Variants in TMPRSS7 observed in about 807,000 individuals in gnomAD.
TMPRSS7 encodes transmembrane serine protease 7.
A neutral mutation model predicts 95.6 loss-of-function variants in TMPRSS7; 81 were observed. The observed-to-expected ratio is 0.85, with a 90% confidence interval of 0.71 to 1.02. The LOEUF (loss-of-function observed/expected upper bound fraction) is 1.02. TMPRSS7 is among the 50% of genes least tolerant of loss of function. The pLI is 0.00. For synonymous variants in TMPRSS7, 364 were observed against 337.8 expected, an observed-to-expected ratio of 1.08 and a Z score of -0.85; for missense variants, 945 against 955.2, an observed-to-expected ratio of 0.99 and a Z score of 0.14.
intron 17 of TMPRSS7, among the ~76,000 whole-genome samples, chr3:112,080,612 G>T (rs2073768011): frequency 6.6e-6 from 1 of 150,916 alleles, no homozygotes; most frequent in South Asian, 2.1e-4. Context: ...TATTACTGAG[G>T]TTTATTCTTT....
intron 13 of TMPRSS7, among the ~76,000 whole-genome samples, chr3:112,072,073 T>A (rs1351390024): frequency 6.6e-6 from 1 of 152,218 alleles, no homozygotes; most frequent in Non-Finnish European, 1.5e-5. Flanking sequence ...TTTCTCCCCA[T>A]CTTTGTGGTT....
In TMPRSS7 at chr3:112,042,677, TA is replaced by T. The variant is rs1046539695; in HGVS notation, c.429+633del. Among the ~76,000 whole-genome samples the T allele has an allele frequency of 2.6e-5, 4 of 152,268 alleles. No individual in the cohort carries two copies. In the South Asian group the frequency reaches 6.2e-4, roughly 24 times the overall value. On this transcript the variant is annotated intron_variant, in intron 3 of 17. Coordinates refer to ENST00000452346, the Ensembl canonical transcript of TMPRSS7. ...GCTTCTATGCACGTAAATCTTCCTT[TA>T]AAAAATATAAGTTACAATAGACTCA...
At chr3:112,068,576 C>G (rs1467691860) in intron 13 of TMPRSS7, among the ~76,000 whole-genome samples, 1 of 152,138 alleles carries the variant, frequency 6.6e-6, no homozygotes, top group Non-Finnish European at 1.5e-5. Context: ...ATTTTATTCT[C>G]TTTGTAGCAA....
At position 112,063,514 on chromosome 3, in the gene TMPRSS7, G is replaced by A; in HGVS notation, c.1448-11G>A. 2 of 1,603,910 alleles carry A rather than the reference G, an allele frequency of 1.2e-6. No homozygotes were observed. On this transcript the variant is annotated splice_polypyrimidine_tract_variant and intron_variant, in intron 11 of 17. Coordinates refer to ENST00000452346, the Ensembl canonical transcript of TMPRSS7. Reference sequence around the variant, plus strand: ...AAGATTTTCTATTTTTTGATTTTTTGTTGCCCATAGCCTGCCCTGTTGGAT... The same window carrying A: ...AAGATTTTCTATTTTTTGATTTTTTATTGCCCATAGCCTGCCCTGTTGGAT...
intron 11 of TMPRSS7, among the ~76,000 whole-genome samples, chr3:112,063,262 G>T (rs1474369988): frequency 6.6e-6 from 1 of 152,188 alleles, no homozygotes; most frequent in Non-Finnish European, 1.5e-5. Flanking sequence ...TATGGAGATA[G>T]TAGAAGTTTG....
At chr3:112,052,781 G>C (rs1220254141) in intron 9 of TMPRSS7, among the ~76,000 whole-genome samples, 1 of 152,162 alleles carries the variant, frequency 6.6e-6, no homozygotes, top group Non-Finnish European at 1.5e-5. Flanking sequence ...ATTCCTTTGA[G>C]ATAAAATAAA....
intron 14 of TMPRSS7, among the ~76,000 whole-genome samples, chr3:112,075,055 T>C (rs2073694913): frequency 6.6e-6 from 1 of 152,218 alleles, no homozygotes; most frequent in Non-Finnish European, 1.5e-5. Context: ...AGGCAGCTGT[T>C]TGTGTCAGTT....
exon 17 of TMPRSS7, chr3:112,078,858 G>A (rs2073745604): frequency 2.5e-6 from 4 of 1,613,818 alleles, no homozygotes; most frequent in African/African-American, 1.3e-5. Context: ...CATAATGTCA[G>A]GCAAGAGAGA....
chr3:112,051,622 TATC>T (rs1408325156), intron 9 of TMPRSS7, among the ~76,000 whole-genome samples: 8 of 128,720 alleles, frequency 6.2e-5, no homozygotes, highest in Non-Finnish European at 1.2e-4. Context: ...TATCTATCTC[TATC>T]ATCTATCTAT....
intron 5 of TMPRSS7, among the ~76,000 whole-genome samples, chr3:112,046,499 T>C (rs984268781): frequency 6.6e-6 from 1 of 152,172 alleles, no homozygotes; most frequent in African/African-American, 2.4e-5. Flanking sequence ...ATATTATAAA[T>C]TTGTGTGTAT....
At chr3:112,067,750 A>C (rs758561047) in intron 13 of TMPRSS7, among the ~76,000 whole-genome samples, 2 of 152,142 alleles carry the variant, frequency 1.3e-5, no homozygotes, top group African/African-American at 2.4e-5. Flanking sequence ...AAATGGGTAG[A>C]TTGCAAACAT....
intron 16 of TMPRSS7, among the ~76,000 whole-genome samples, chr3:112,078,495 G>A (rs1439728850): frequency 6.6e-6 from 1 of 152,218 alleles, no homozygotes; most frequent in Non-Finnish European, 1.5e-5. Context: ...AGTTGTTCAA[G>A]TAATTGAGTC....
At chr3:112,079,351 A>G (rs2073750758) in intron 17 of TMPRSS7, among the ~76,000 whole-genome samples, 1 of 152,182 alleles carries the variant, frequency 6.6e-6, no homozygotes, top group African/African-American at 2.4e-5. Context: ...TTGGGGTGAC[A>G]TTTCTCGGAG....
At chr3:112,039,271 C>T (rs1310608883) in intron 2 of TMPRSS7, among the ~76,000 whole-genome samples, 1 of 152,198 alleles carries the variant, frequency 6.6e-6, no homozygotes, top group Non-Finnish European at 1.5e-5. Flanking sequence ...ATGTGAAATA[C>T]ATAGTTATTC....
intron 9 of TMPRSS7, among the ~76,000 whole-genome samples, chr3:112,055,770 C>T (rs962345851): frequency 1.3e-5 from 2 of 152,108 alleles, no homozygotes; most frequent in Non-Finnish European, 2.9e-5. Context: ...TTACAAGTAC[C>T]AGACAAAAAG....
intron 10 of TMPRSS7, among the ~76,000 whole-genome samples, chr3:112,060,069 G>A (rs1266385409): frequency 6.6e-6 from 1 of 152,190 alleles, no homozygotes; most frequent in Non-Finnish European, 1.5e-5. Context: ...GACATCACAT[G>A]TTGGTAGATT....
intron 7 of TMPRSS7, 126 bp from the exon 8 acceptor site, chr3:112,049,718 A>G: frequency 1.4e-6 from 1 of 734,326 alleles, no homozygotes; most frequent in South Asian, 3.5e-5. Context: ...GCTGGGAGAG[A>G]TTCCCAAGAA....
Position 112,047,723 on chromosome 3 carries a change from G to T in TMPRSS7, c.731-16G>T. 6.5e-7 allele frequency: 1 copy of T among 1,539,558 alleles called. No individual in the cohort carries two copies. The highest frequency in any genetic ancestry group is 1.2e-5 in the South Asian group (1 of 84,938). On this transcript the variant is annotated splice_polypyrimidine_tract_variant and intron_variant, in intron 6 of 17. Coordinates refer to ENST00000452346, the Ensembl canonical transcript of TMPRSS7. ...AAAAAAAAAGAAAATAAAGGAAAAT[G>T]GTGCTGTCTCCACAGACAAAGGCTG... is the stretch of plus-strand genomic sequence containing the variant.
chr3:112,056,320 G>A (rs2073433069), intron 9 of TMPRSS7, among the ~76,000 whole-genome samples: 1 of 152,132 alleles, frequency 6.6e-6, no homozygotes, highest in Non-Finnish European at 1.5e-5. Flanking sequence ...GCTTAAAAAT[G>A]GATGAACCCA....
Sources: allele counts gnomAD v4.1 joint callset (sites outside exome capture counted in the v4.1 genomes callset), GRCh38; gene constraint gnomAD v4.1.1; transcripts MANE v1.5; gene names NCBI Gene and HGNC (gene_info 2026-07-23, HGNC 2026-07-21).